Variants in ZNF202 observed in about 807,000 individuals in gnomAD.
ZNF202 encodes zinc finger protein with KRAB and SCAN domains 10.
Under a neutral mutation model 54.5 loss-of-function variants are expected in ZNF202, and 22 were observed. The observed-to-expected ratio is 0.40, with a 90% CI of 0.29 to 0.58. The LOEUF (loss-of-function observed/expected upper bound fraction) is 0.58, where lower values mean the gene tolerates loss of function less well. Ranked by LOEUF, ZNF202 falls within the 20% of genes least tolerant of loss-of-function variation. ZNF202 has a pLI of 0.39. For synonymous variants in ZNF202, 294 were observed against 301.4 expected (o/e 0.98, Z 0.26); for missense variants, 644 against 805.5 (o/e 0.80, Z 2.43).
intron 3 of ZNF202, among the ~76,000 whole-genome samples, chr11:123,733,120 C>T (rs531945453): frequency 2.0e-5 from 3 of 152,176 alleles, no homozygotes; most frequent in Non-Finnish European, 4.4e-5. Context: ...CTTAAGGGCT[C>T]CATCATTTCT....
rs1034049481 is a variant in ZNF202, at chr11:123,728,979, T to A, written c.702+147A>T. ...TAAGGTATGATAATTTATCTCATTA[T>A]CTCCTCCCCTTCCAGGTACCTGCAG... On this transcript the variant is annotated intron_variant, in intron 6 of 8. Coordinates refer to ENST00000530393, the MANE Select transcript of ZNF202 (RefSeq NM_003455.4). 62 of 708,466 alleles carry A rather than the reference T, an allele frequency of 8.8e-5. 1 individual carries two copies. Among genetic ancestry groups the A allele is most frequent in the Admixed American group, 3.7e-4 (14 of 38,306 alleles). The allele number at this position is 708,466 out of a possible 1,614,324, so 43.9% of individuals were successfully genotyped here. A position where few individuals can be genotyped will look rare whatever the true frequency, so the allele number is the denominator to read the frequency against.
intron 3 of ZNF202, among the ~76,000 whole-genome samples, chr11:123,737,237 CAG>C (rs1303564389): frequency 1.8e-4 from 27 of 152,242 alleles, no homozygotes; most frequent in African/African-American, 6.3e-4. Flanking sequence ...GAGGCAAACT[CAG>C]TGTACCAAGA....
rs1296366412 is a variant in ZNF202, at chr11:123,724,946, G to T, written c.*1051C>A. The T allele has an allele frequency of 6.6e-6, 1 of 152,152 alleles. No individual in the cohort carries two copies. The highest frequency in any genetic ancestry group is 2.4e-5 in the African/African-American group (1 of 41,416). The allele number at this position is 152,152 out of a possible 1,614,324, so 9.4% of individuals were successfully genotyped here. On this transcript the variant is annotated 3_prime_UTR_variant, in exon 9 of 9. Transcript: ENST00000530393. ...TATTTTCCATAATTTGGTCTTAGTCGTTCTCCAGTTGTCTTCATGTAAATA... is the reference window on the plus strand; with the variant it reads ...TATTTTCCATAATTTGGTCTTAGTCTTTCTCCAGTTGTCTTCATGTAAATA...
chr11:123,729,808 G>A lies in ZNF202; in HGVS notation c.420C>T (p.His140=), dbSNP rs760045159. The part of the protein sequence containing the change: ...RPRRWVTVHV[H]GQEVLSEETV... ...TCTCCTCTGACAGGACTTCCTGGCC[G>A]TGAACATGGACAGTCACCTGGGAAT... Residue 140 remains histidine, a synonymous_variant, in exon 5 of 9, where the codon CAC becomes CAT. Coordinates refer to ENST00000530393, the MANE Select transcript of ZNF202 (RefSeq NM_003455.4). The A allele has an allele frequency of 1.4e-5, 22 of 1,608,510 alleles. No homozygotes were observed. Among genetic ancestry groups the A allele is most frequent in the Non-Finnish European group, 1.7e-5 (20 of 1,177,526 alleles).
rs756012627 is a variant in ZNF202 at position 123,730,789 on chromosome 11, C to A, written c.100G>T (p.Val34Phe). 1.2e-6 allele frequency: 2 copies of A among 1,614,212 alleles called. No homozygotes were observed. The highest frequency in any genetic ancestry group is 2.2e-5 in the East Asian group (1 of 44,858). The change falls in exon 4 of 9, where the codon GTC (valine) becomes TTC (phenylalanine). Residue 34 changes from valine to phenylalanine, a missense_variant. Around this residue, in one of 3 missense-constraint regions of ZNF202, gnomAD observed 46 missense variants for 47.4 expected, o/e 0.97. Transcript: ENST00000530393. The surrounding 1 kb of genome is among the most constrained non-coding windows in gnomAD (Gnocchi z 6.0). The part of the protein sequence containing the change: ...EDDFTCRPES[V>F]LQRDDPVLET... Reference sequence around the variant, plus strand: ...AGCACCGGGTCATCCCTCTGTAAGACAGACTCTGGCCGACAGGTGAAATCA... The same window carrying A: ...AGCACCGGGTCATCCCTCTGTAAGAAAGACTCTGGCCGACAGGTGAAATCA...
rs1248041483 is a variant in ZNF202 at position 123,724,132 on chromosome 11, G to GT, written c.*1864dup. 1.3e-5 allele frequency: 2 copies of GT among 152,226 alleles called. No homozygotes were observed. Among genetic ancestry groups the GT allele is most frequent in the Non-Finnish European group, 2.9e-5 (2 of 68,038 alleles). The allele number at this position is 152,226 out of a possible 1,614,324, so 9.4% of individuals were successfully genotyped here. ...TTAGAAATGCCTGCTTATTAGGACA[G>GT]TATCTTCTGCAAACTCCAGGCTTGG... On this transcript the variant is annotated 3_prime_UTR_variant, in exon 9 of 9. Coordinates refer to ENST00000530393, the MANE Select transcript of ZNF202 (RefSeq NM_003455.4).
chr11:123,740,544 G>A lies in ZNF202; in HGVS notation c.-293-8C>T, dbSNP rs1408534563. The A allele has an allele frequency of 1.3e-5, 2 of 152,274 alleles. No individual in the cohort carries two copies. Among genetic ancestry groups the A allele is most frequent in the African/African-American group, 4.8e-5 (2 of 41,452 alleles). 9.4% of individuals were successfully genotyped at this position (152,274 alleles called of 1,614,324 possible). On this transcript the variant is annotated splice_polypyrimidine_tract_variant and splice_region_variant and intron_variant, in intron 1 of 8. Coordinates refer to ENST00000530393, the MANE Select transcript of ZNF202 (RefSeq NM_003455.4). ...AGCTGCCCTGGGTGTCACCTGCAGA[G>A]CGTGGATAGAGAAAAAGCAACAGTT...
At position 123,726,815 on chromosome 11, in the gene ZNF202, C is replaced by A; in HGVS notation, c.1129G>T (p.Val377Leu). The A allele has an allele frequency of 6.2e-7, 1 of 1,614,210 alleles. No individual in the cohort carries two copies. The highest frequency in any genetic ancestry group is 8.5e-7 in the Non-Finnish European group (1 of 1,180,036). The change falls in exon 9 of 9, where the codon GTG becomes TTG. Residue 377 changes from valine (V) to leucine (L), a missense_variant. This residue lies in a region of ZNF202 where 536 missense variants were observed against 635.3 expected (regional missense o/e 0.84). Coordinates refer to ENST00000530393, the MANE Select transcript of ZNF202 (RefSeq NM_003455.4). The surrounding 1 kb of genome is among the most constrained non-coding windows in gnomAD (Gnocchi z 6.0). ...ERRFGTNISQ[V>L]NSFVNLRETT... ...TCCCGAAGGTTCACAAAACTATTCA[C>A]TTGAGAAATATTAGTACCAAATCTT...
At chr11:123,736,379 G>C (rs1034817677) in intron 3 of ZNF202, among the ~76,000 whole-genome samples, 1 of 152,134 alleles carries the variant, frequency 6.6e-6, no homozygotes, top group Non-Finnish European at 1.5e-5. Flanking sequence ...ATTATATTTA[G>C]CAGATATTTA....
chr11:123,730,918 C>T lies in ZNF202; in HGVS notation c.-30G>A, dbSNP rs954554975. ...TGGCTTTGGGGTGGTCTCACACCAT[C>T]TAGAGCTCACACTGTCATTAGCCCC... On this transcript the variant is annotated 5_prime_UTR_variant, in exon 4 of 9. Transcript: ENST00000530393. This position sits in a 1 kb window ranked among gnomAD's most constrained non-coding sequence, Gnocchi z 6.0. 6.3e-7 allele frequency: 1 copy of T among 1,587,810 alleles called. No homozygotes were observed. Among genetic ancestry groups the T allele is most frequent in the African/African-American group, 1.3e-5 (1 of 74,194 alleles).
At chr11:123,729,914 A>T in intron 4 of ZNF202, 89 bp from the exon 5 acceptor site, 2 of 1,346,734 alleles carry the variant, frequency 1.5e-6, no homozygotes, top group Non-Finnish European at 2.0e-6. Context: ...AGATGCCTAG[A>T]GAAAACACTC....
Position 123,726,421 on chromosome 11 carries a change from G to A in ZNF202, c.1523C>T (p.Pro508Leu), listed in dbSNP as rs765160773. The change falls in exon 9 of 9, where the codon CCC becomes CTC. Residue 508 changes from proline to leucine, a missense_variant. Around this residue, in one of 3 missense-constraint regions of ZNF202, gnomAD observed 536 missense variants for 635.3 expected, o/e 0.84. Coordinates refer to ENST00000530393, the MANE Select transcript of ZNF202 (RefSeq NM_003455.4). The surrounding 1 kb of genome is among the most constrained non-coding windows in gnomAD (Gnocchi z 6.0). Reference sequence around the variant, plus strand: ...TTTGCCACAAATAGTACAAAAGAAGGGTTTTTCTCCAGTATGTGTCCTCTG... The same window carrying A: ...TTTGCCACAAATAGTACAAAAGAAGAGTTTTTCTCCAGTATGTGTCCTCTG... The part of the protein sequence containing the change: ...RHQRTHTGEK[P>L]FFCTICGKSF... 10 of 1,614,224 alleles carry A rather than the reference G, an allele frequency of 6.2e-6. No individual in the cohort carries two copies. The highest frequency in any genetic ancestry group is 8.5e-6 in the Non-Finnish European group (10 of 1,180,042).
In ZNF202 at chr11:123,730,912, C is replaced by A; in HGVS notation, c.-24G>T. ...ATTTCTTGGCTTTGGGGTGGTCTCA[C>A]ACCATCTAGAGCTCACACTGTCATT... On this transcript the variant is annotated 5_prime_UTR_variant, in exon 4 of 9. Transcript: ENST00000530393. This position sits in a 1 kb window ranked among gnomAD's most constrained non-coding sequence, Gnocchi z 6.0. The A allele has an allele frequency of 1.3e-6, 2 of 1,599,962 alleles. No homozygotes were observed. The highest frequency in any genetic ancestry group is 1.7e-6 in the Non-Finnish European group (2 of 1,172,336).
chr11:123,726,982 C>T lies in ZNF202; in HGVS notation c.962G>A (p.Ser321Asn), dbSNP rs771502877. The change falls in exon 9 of 9, where the codon AGT (serine) becomes AAT (asparagine). Residue 321 changes from serine (S) to asparagine (N), a missense_variant. Coordinates refer to ENST00000530393, the MANE Select transcript of ZNF202 (RefSeq NM_003455.4). The surrounding 1 kb of genome is among the most constrained non-coding windows in gnomAD (Gnocchi z 6.0). ...CTCCAGACACTCTTCCTCATCTTTACTCCTATCTCCTGTAGAAAGGGTGAG... is the reference window on the plus strand; with the variant it reads ...CTCCAGACACTCTTCCTCATCTTTATTCCTATCTCCTGTAGAAAGGGTGAG... ...ILSFTYTGDR[S>N]KDEEECLEQE... is the part of the protein sequence containing the mutation. The T allele has an allele frequency of 1.2e-5, 19 of 1,610,722 alleles. No individual in the cohort carries two copies. The African/African-American group carries it at 2.1e-4, about 18-fold the overall frequency.
intron 3 of ZNF202, among the ~76,000 whole-genome samples, chr11:123,732,713 T>C (rs1185160396): frequency 6.6e-6 from 1 of 152,154 alleles, no homozygotes; most frequent in African/African-American, 2.4e-5. Flanking sequence ...CTATTTTCCA[T>C]CAATCTCCAA....
chr11:123,733,031 A>C (rs943767130), intron 3 of ZNF202, among the ~76,000 whole-genome samples: 1 of 152,188 alleles, frequency 6.6e-6, no homozygotes. Flanking sequence ...GCACGGATAC[A>C]TTGGAGAGAT....
chr11:123,729,350 A>G, intron 5 of ZNF202, 136 bp from the exon 6 acceptor site: 2 of 920,860 alleles, frequency 2.2e-6, no homozygotes, highest in South Asian at 3.1e-5. Flanking sequence ...AACTGGCCTA[A>G]GGGTAGCTCC....
At chr11:123,734,116 AGAGAGACAGACACACAGG>A (rs1362193081) in intron 3 of ZNF202, among the ~76,000 whole-genome samples, 117 of 152,168 alleles carry the variant, frequency 7.7e-4, no homozygotes, top group Admixed American at 4.8e-3. Flanking sequence ...AGAGAGAGAG[AGAGAGACAGACACACAGG>A]GAGAGACAGA....
At chr11:123,727,276 G>A (rs983694627) in intron 8 of ZNF202, among the ~76,000 whole-genome samples, 200 bp downstream of exon 8, 5 of 152,178 alleles carry the variant, frequency 3.3e-5, no homozygotes, top group Non-Finnish European at 7.3e-5. Context: ...TCACCCTTTT[G>A]TATTACATTG....
Sources: allele counts gnomAD v4.1 joint callset (sites outside exome capture counted in the v4.1 genomes callset), GRCh38; gene constraint gnomAD v4.1.1; regional missense constraint gnomAD v4.1.1; non-coding constraint Gnocchi (gnomAD v3.1); transcripts MANE v1.5; gene names NCBI Gene and HGNC (gene_info 2026-07-23, HGNC 2026-07-21).